Variants in CLIP1 observed in about 807,000 individuals in gnomAD.
CLIP1 encodes CAP-Gly domain-containing linker protein 1.
A neutral mutation model predicts 161.6 loss-of-function variants in CLIP1; 66 were observed. That is an observed-to-expected ratio of 0.41 (90% CI 0.33 to 0.50). CLIP1 has a LOEUF of 0.50. CLIP1 is among the 20% of genes least tolerant of loss of function. The pLI is 0.27. For synonymous variants in CLIP1, 598 were observed against 626.2 expected (o/e 0.96, Z 0.67); for missense variants, 1,376 against 1,702.0 (o/e 0.81, Z 3.37).
intron 2 of CLIP1, 66 bp from the exon 3 acceptor site, chr12:122,378,026 A>T: frequency 7.1e-7 from 1 of 1,400,988 alleles, no homozygotes; most frequent in Non-Finnish European, 9.7e-7. Context: ...ACTTAAAGAA[A>T]AACTAGAGAA....
intron 3 of CLIP1, among the ~76,000 whole-genome samples, chr12:122,371,525 A>G (rs1954450655): frequency 6.6e-6 from 1 of 152,226 alleles, no homozygotes; most frequent in African/African-American, 2.4e-5. Flanking sequence ...GCAAAGGAAC[A>G]GCATCACCAA....
At chr12:122,284,121 T>C (rs1425752731) in intron 21 of CLIP1, among the ~76,000 whole-genome samples, 2 of 152,156 alleles carry the variant, frequency 1.3e-5, no homozygotes, top group Admixed American at 6.5e-5. Context: ...CATTCAGGTT[T>C]CTAAAACAGA....
intron 18 of CLIP1, among the ~76,000 whole-genome samples, chr12:122,317,807 G>A (rs1951329784): frequency 6.6e-6 from 1 of 152,126 alleles, no homozygotes; most frequent in African/African-American, 2.4e-5. Context: ...AACAGAACAA[G>A]AAAAATAAAA....
At chr12:122,392,335 C>A (rs532900815) in intron 1 of CLIP1, among the ~76,000 whole-genome samples, 2 of 152,240 alleles carry the variant, frequency 1.3e-5, no homozygotes, top group Middle Eastern at 3.4e-3. Flanking sequence ...AGACCATAGC[C>A]TTCTCAAAAC....
intron 20 of CLIP1, among the ~76,000 whole-genome samples, chr12:122,307,741 G>A (rs1285225762): frequency 6.6e-6 from 1 of 152,008 alleles, no homozygotes; most frequent in Non-Finnish European, 1.5e-5. Context: ...AAACTAAGGT[G>A]GCTTCTAAGT....
chr12:122,382,704 C>CAATAAATA (rs35084508), intron 1 of CLIP1, among the ~76,000 whole-genome samples: 38 of 150,942 alleles, frequency 2.5e-4, no homozygotes, highest in African/African-American at 8.1e-4. Flanking sequence ...GACTATGTCT[C>CAATAAATA]AATAAATAAA....
intron 8 of CLIP1, among the ~76,000 whole-genome samples, 171 bp downstream of exon 8, chr12:122,352,555 C>T (rs970593693): frequency 6.6e-6 from 1 of 152,104 alleles, no homozygotes; most frequent in East Asian, 1.9e-4. Flanking sequence ...GTGGGCCACA[C>T]ACTCACAGGC....
At chr12:122,335,997 C>A (rs1394885717) in intron 12 of CLIP1, among the ~76,000 whole-genome samples, 2 of 152,206 alleles carry the variant, frequency 1.3e-5, no homozygotes, top group African/African-American at 4.8e-5. Context: ...ACTGGCACTA[C>A]TCATGAGTAT....
intron 20 of CLIP1, among the ~76,000 whole-genome samples, chr12:122,294,344 C>CAAAAAAAAAAAAAAAAAAAAAAA (rs1210070129): frequency 9.1e-6 from 1 of 109,664 alleles, no homozygotes. Flanking sequence ...AAAAAAAAAA[C>CAAAAAAAAAAAAAAAAAAAAAAA]AAAAAAAAAA....
chr12:122,421,397 T>C (rs1956936403), intron 1 of CLIP1, among the ~76,000 whole-genome samples: 1 of 152,058 alleles, frequency 6.6e-6, no homozygotes, highest in African/African-American at 2.4e-5. Context: ...ATACCATCGC[T>C]AACAGTAGTG....
intron 1 of CLIP1, chr12:122,400,705 G>A (rs1956111668): frequency 1.3e-5 from 2 of 152,152 alleles, no homozygotes; most frequent in Admixed American, 1.3e-4. Context: ...CATGAGATTT[G>A]ATTTGTCTTC....
intron 9 of CLIP1, among the ~76,000 whole-genome samples, chr12:122,350,782 T>A (rs1952995075): frequency 6.6e-6 from 1 of 151,058 alleles, no homozygotes; most frequent in Non-Finnish European, 1.5e-5. Context: ...TTGGAATAAT[T>A]CCACTAAAAT....
At chr12:122,359,340 G>A (rs1178662480) in intron 5 of CLIP1, among the ~76,000 whole-genome samples, 1 of 152,168 alleles carries the variant, frequency 6.6e-6, no homozygotes, top group Non-Finnish European at 1.5e-5. Context: ...AAAGTAAGAG[G>A]AGAGATTGGC....
intron 25 of CLIP1, among the ~76,000 whole-genome samples, 169 bp from the exon 26 acceptor site, chr12:122,273,269 A>C (rs939371544): frequency 6.6e-6 from 1 of 152,158 alleles, no homozygotes; most frequent in African/African-American, 2.4e-5. Flanking sequence ...TTTATTTTTG[A>C]GATGGAGTCT....
chr12:122,332,336 T>C (rs1566128035), intron 15 of CLIP1, among the ~76,000 whole-genome samples: 1 of 152,094 alleles, frequency 6.6e-6, no homozygotes, highest in Non-Finnish European at 1.5e-5. Flanking sequence ...TACATCTATA[T>C]ACACATCTAT....
intron 1 of CLIP1, among the ~76,000 whole-genome samples, chr12:122,410,454 C>A (rs1444419966): frequency 7.0e-6 from 1 of 142,330 alleles, no homozygotes; most frequent in Non-Finnish European, 1.5e-5. Flanking sequence ...CAGACACACA[C>A]ACACTTTTTT....
At chr12:122,367,324 T>C (rs1954220342) in intron 3 of CLIP1, among the ~76,000 whole-genome samples, 1 of 152,224 alleles carries the variant, frequency 6.6e-6, no homozygotes, top group Admixed American at 6.5e-5. Context: ...TACTAGTTCC[T>C]AGAACAAAAA....
At chr12:122,289,977 G>C (rs764347535) in intron 20 of CLIP1, among the ~76,000 whole-genome samples, 1 of 151,912 alleles carries the variant, frequency 6.6e-6, no homozygotes, top group Non-Finnish European at 1.5e-5. Flanking sequence ...CCCAGCTAAT[G>C]TTTGTATTTT....
chr12:122,357,831 C>A (rs538677939), intron 5 of CLIP1, among the ~76,000 whole-genome samples: 10 of 149,104 alleles, frequency 6.7e-5, no homozygotes, highest in Admixed American at 5.3e-4. Flanking sequence ...GTCAGCCCCC[C>A]GCCCGGCCAG....
Sources: allele counts gnomAD v4.1 joint callset (sites outside exome capture counted in the v4.1 genomes callset), GRCh38; gene constraint gnomAD v4.1.1; transcripts MANE v1.5; gene names NCBI Gene and HGNC (gene_info 2026-07-23, HGNC 2026-07-21).